The following CFAP20DC variants were observed in gnomAD, a reference collection of about 807,000 sequenced individuals.
The protein encoded by CFAP20DC is CFAP20 domain containing, also known as protein CFAP20DC.
CFAP20DC carries 84 observed loss-of-function variants against 101.7 expected under a neutral mutation model. The observed-to-expected ratio is 0.83, with a 90% CI of 0.69 to 0.99. The LOEUF (loss-of-function observed/expected upper bound fraction) is 0.99, where lower values mean the gene tolerates loss of function less well. Ranked by LOEUF, CFAP20DC falls within the 50% of genes least tolerant of loss-of-function variation. The pLI is 0.00. For missense variants in CFAP20DC, 1,007 were observed against 970.3 expected (o/e 1.04, Z -0.50); for synonymous variants, 359 against 351.2 (o/e 1.02, Z -0.25).
rs963304067 is a variant in CFAP20DC at position 58,859,405 on chromosome 3, CTT to C, written c.1593+4151_1593+4152del. Among the ~76,000 whole-genome samples, 2 of 152,162 alleles carry C rather than the reference CTT, an allele frequency of 1.3e-5. No individual in the cohort carries two copies. Among genetic ancestry groups the C allele is most frequent in the Non-Finnish European group, 1.5e-5 (1 of 68,012 alleles). On this transcript the variant is annotated intron_variant, in intron 12 of 16. Transcript: ENST00000482387. This position sits in a 1 kb window ranked among gnomAD's most constrained non-coding sequence, Gnocchi z 4.1. ...CTTCATGTTCTTTTAACTGACAACA[CTT>C]TAAAGATTTCTTGTGAAAACTATCT...
rs1452612343 is a variant in CFAP20DC at position 58,912,692 on chromosome 3, C to G, written c.550+1016G>C. ...TTCAATACTTTTGGTTGTTTAAAACCATCTGAGCAGTATGGTGTGCTACCT... is the reference window on the plus strand; with the variant it reads ...TTCAATACTTTTGGTTGTTTAAAACGATCTGAGCAGTATGGTGTGCTACCT... On this transcript the variant is annotated intron_variant, in intron 6 of 16. Transcript: ENST00000482387. The surrounding 1 kb of genome is among the most constrained non-coding windows in gnomAD (Gnocchi z 4.4). 1 of 454,648 alleles carries G rather than the reference C, an allele frequency of 2.2e-6. No individual in the cohort carries two copies. The highest frequency in any genetic ancestry group is 4.4e-6 in the Non-Finnish European group (1 of 226,374). 28.2% of individuals were successfully genotyped at this position (454,648 alleles called of 1,614,324 possible). A position where few individuals can be genotyped will look rare whatever the true frequency, so the allele number is the denominator to read the frequency against.
intron 15 of CFAP20DC, among the ~76,000 whole-genome samples, chr3:58,763,646 GT>G (rs2069918246): frequency 6.6e-6 from 1 of 152,162 alleles, no homozygotes; most frequent in Non-Finnish European, 1.5e-5. Context: ...TTTCTGTTCT[GT>G]TTTTTCCCCA....
intron 5 of CFAP20DC, among the ~76,000 whole-genome samples, chr3:58,931,152 C>G (rs181661526): frequency 6.6e-6 from 1 of 152,070 alleles, no homozygotes; most frequent in Non-Finnish European, 1.5e-5. Context: ...CCTACGCCCA[C>G]GGAGTCTCAC....
In CFAP20DC at chr3:58,722,483, C is replaced by G. The variant is rs60964639; in HGVS notation, c.198-4855G>C. On this transcript the variant is annotated intron_variant, in intron 3 of 3. Coordinates refer to the CFAP20DC transcript ENST00000486145. This position sits in a 1 kb window ranked among gnomAD's most constrained non-coding sequence, Gnocchi z 4.5. Reference sequence around the variant, plus strand: ...AGTCGGTTACAATCATCTGAACTATCATCAGATTGGAACTCAGAGGTTCTG... The same window carrying G: ...AGTCGGTTACAATCATCTGAACTATGATCAGATTGGAACTCAGAGGTTCTG... Among the ~76,000 whole-genome samples the G allele has an allele frequency of 0.16, 24,924 of 152,094 alleles. 4,171 individuals are homozygous for G. The highest frequency in any genetic ancestry group is 0.41 in the African/African-American group (17,086 of 41,422).
In CFAP20DC at chr3:58,732,124, A is replaced by G. The variant is rs1202593657; in HGVS notation, c.198-14496T>C. 4.6e-5 allele frequency among the ~76,000 whole-genome samples: 7 copies of G among 152,238 alleles called. No homozygotes were observed. Among genetic ancestry groups the G allele is most frequent in the African/African-American group, 1.7e-4 (7 of 41,464 alleles). On this transcript the variant is annotated intron_variant, in intron 3 of 3. Coordinates refer to the CFAP20DC transcript ENST00000486145. The surrounding 1 kb of genome is among the most constrained non-coding windows in gnomAD (Gnocchi z 5.4). ...ATAAAGATGATGAGGACAATCATCA[A>G]GAGAGTCATTTCAACTCAGTGGTAA... is the stretch of plus-strand genomic sequence containing the variant.
intron 15 of CFAP20DC, among the ~76,000 whole-genome samples, chr3:58,766,124 T>C (rs1268124700): frequency 1.3e-5 from 2 of 152,154 alleles, no homozygotes; most frequent in Admixed American, 1.3e-4. Flanking sequence ...AAGGGCCAGA[T>C]AGAAAATGTG....
chr3:58,787,888 C>G (rs964792228), intron 15 of CFAP20DC, among the ~76,000 whole-genome samples: 3 of 151,658 alleles, frequency 2.0e-5, no homozygotes, highest in African/African-American at 7.3e-5. Flanking sequence ...AACACACAAA[C>G]AGGAAACCAA....
At chr3:58,792,818 T>C (rs1017243810) in intron 15 of CFAP20DC, among the ~76,000 whole-genome samples, 4 of 151,962 alleles carry the variant, frequency 2.6e-5, no homozygotes, top group African/African-American at 9.7e-5. Context: ...TCACTGGAAA[T>C]GGCTGTTAGA....
At chr3:58,858,864 T>C (rs2079034321) in intron 12 of CFAP20DC, among the ~76,000 whole-genome samples, 2 of 152,240 alleles carry the variant, frequency 1.3e-5, no homozygotes, top group Non-Finnish European at 2.9e-5. Context: ...AGTATATGTA[T>C]ACTTCTGTTG....
intron 14 of CFAP20DC, among the ~76,000 whole-genome samples, chr3:58,825,557 A>T (rs1559655934): frequency 6.6e-6 from 1 of 150,824 alleles, no homozygotes; most frequent in Non-Finnish European, 1.5e-5. Flanking sequence ...ACACACACAC[A>T]ACATGGCTTT....
chr3:58,819,130 G>T (rs554649593), intron 14 of CFAP20DC, among the ~76,000 whole-genome samples: 1 of 145,354 alleles, frequency 6.9e-6, no homozygotes, highest in Non-Finnish European at 1.5e-5. Flanking sequence ...TCTCTGGGAC[G>T]CATTCAAAGC....
chr3:58,800,536 G>T (rs1192200192), intron 15 of CFAP20DC, among the ~76,000 whole-genome samples: 1 of 152,174 alleles, frequency 6.6e-6, no homozygotes, highest in Non-Finnish European at 1.5e-5. Flanking sequence ...TCAATGGCTG[G>T]ATTTTAGGCA....
intron 5 of CFAP20DC, among the ~76,000 whole-genome samples, chr3:58,916,572 G>A (rs1010910024): frequency 5.3e-5 from 8 of 152,100 alleles, no homozygotes; most frequent in African/African-American, 1.7e-4. Flanking sequence ...TTGAGTATAT[G>A]TGTACATGCC....
intron 3 of CFAP20DC, among the ~76,000 whole-genome samples, chr3:58,725,367 G>T (rs9814023): frequency 6.6e-6 from 1 of 152,010 alleles, no homozygotes; most frequent in Non-Finnish European, 1.5e-5. Context: ...CTGGGTTGCC[G>T]GTTGTTGTGG....
At chr3:58,895,321 C>G (rs1420310544) in intron 6 of CFAP20DC, among the ~76,000 whole-genome samples, 1 of 152,182 alleles carries the variant, frequency 6.6e-6, no homozygotes, top group African/African-American at 2.4e-5. Context: ...TAACAGCACC[C>G]AAGTCAACTC....
rs545712593 is a variant in CFAP20DC, at chr3:58,851,252, T to G, written c.1594-1843A>C. Reference sequence around the variant, plus strand: ...ATGGGTATACGTTTATGGATACTGTTTGTGGAGTGTCTGGGTTGGCTTGTG... The same window carrying G: ...ATGGGTATACGTTTATGGATACTGTGTGTGGAGTGTCTGGGTTGGCTTGTG... On this transcript the variant is annotated intron_variant, in intron 12 of 16. Transcript: ENST00000482387. Among the ~76,000 whole-genome samples the G allele has an allele frequency of 4.8e-4, 73 of 152,204 alleles. 1 individual carries two copies. The highest frequency in any genetic ancestry group is 5.4e-4 in the Non-Finnish European group (37 of 67,998).
At position 58,897,172 on chromosome 3, in the gene CFAP20DC, A is replaced by C. The variant is rs2082735752; in HGVS notation, c.551-12463T>G. Among the ~76,000 whole-genome samples the C allele has an allele frequency of 6.6e-6, 1 of 152,050 alleles. No individual in the cohort carries two copies. Among genetic ancestry groups the C allele is most frequent in the Non-Finnish European group, 1.5e-5 (1 of 68,012 alleles). On this transcript the variant is annotated intron_variant, in intron 6 of 16. Coordinates refer to ENST00000482387, the MANE Select transcript of CFAP20DC (RefSeq NM_001394063.1). The surrounding 1 kb of genome is among the most constrained non-coding windows in gnomAD (Gnocchi z 4.4). ...GTCTTTTTTGATATTTGTTGGTTTA[A>C]AGTCTATTTGTCAGAAACTAGGATT... is the stretch of plus-strand genomic sequence containing the variant.
chr3:59,035,469 C>T (rs1228870335), intron 4 of CFAP20DC, among the ~76,000 whole-genome samples: 1 of 151,830 alleles, frequency 6.6e-6, no homozygotes, highest in African/African-American at 2.4e-5. Context: ...GAAGAAAAGA[C>T]AGAAGAATCA....
chr3:59,031,465 C>G (rs937924874), intron 4 of CFAP20DC, among the ~76,000 whole-genome samples: 1 of 152,062 alleles, frequency 6.6e-6, no homozygotes, highest in African/African-American at 2.4e-5. Context: ...TTTGTGTGAT[C>G]CCCTCTACCT....
Sources: gnomAD v4.1 joint callset for allele counts (sites outside exome capture counted in the v4.1 genomes callset) on GRCh38, gnomAD v4.1.1 for gene constraint, Gnocchi (gnomAD v3.1) non-coding constraint, MANE v1.5 for transcripts, NCBI Gene and HGNC (gene_info 2026-07-23, HGNC 2026-07-21) for gene names.